CXCL13: variants seen among roughly 807,000 people sequenced by gnomAD.
The protein encoded by CXCL13 is C-X-C motif chemokine 13.
In CXCL13, 7 loss-of-function variants were observed where a neutral mutation model predicts 12.2. The observed-to-expected ratio is 0.57, with a 90% CI of 0.33 to 1.07. CXCL13 has a LOEUF of 1.07. Ranked by LOEUF, CXCL13 falls within the 50% of genes least tolerant of loss-of-function variation. CXCL13 has a pLI of 0.04. For synonymous variants in CXCL13, 47 were observed against 42.4 expected (o/e 1.11, Z -0.42); for missense variants, 113 against 127.4 (o/e 0.89, Z 0.55).
intron 1 of CXCL13, among the ~76,000 whole-genome samples, chr4:77,536,571 T>C (rs1403919079): frequency 6.6e-6 from 1 of 152,150 alleles, no homozygotes; most frequent in Non-Finnish European, 1.5e-5. Flanking sequence ...CCTTATAAAT[T>C]TGTTGTGGAG....
chr4:77,539,897 T>A (rs539064713), intron 1 of CXCL13, among the ~76,000 whole-genome samples: 9 of 152,214 alleles, frequency 5.9e-5, no homozygotes, highest in Non-Finnish European at 1.3e-4. Context: ...TCAGCTCCTA[T>A]CTGACTAGCT....
intron 1 of CXCL13, among the ~76,000 whole-genome samples, chr4:77,595,192 G>A (rs960734945): frequency 4.6e-5 from 7 of 151,708 alleles, no homozygotes; most frequent in African/African-American, 1.7e-4. Flanking sequence ...AATGTACTAC[G>A]GGCAGCCGCT....
intron 1 of CXCL13, among the ~76,000 whole-genome samples, chr4:77,541,810 A>G (rs1277141976): frequency 6.6e-6 from 1 of 152,096 alleles, no homozygotes; most frequent in Admixed American, 6.6e-5. Context: ...TTTGTGTGGT[A>G]TGGCCATTTT....
chr4:77,546,512 C>T (rs1253132457), intron 1 of CXCL13, among the ~76,000 whole-genome samples: 3 of 151,990 alleles, frequency 2.0e-5, no homozygotes, highest in Non-Finnish European at 2.9e-5. Context: ...CCATTTCTTC[C>T]AGATTTTCTA....
In CXCL13 at chr4:77,611,037, T is replaced by C. The variant is rs372584541; in HGVS notation, c.328T>C (p.Ter110ArgextTer2). The C allele has an allele frequency of 3.7e-6, 6 of 1,609,534 alleles. No homozygotes were observed. In the Admixed American group the frequency reaches 6.7e-5, roughly 18 times the overall value. The change falls in exon 4 of 4, where the codon TGA becomes CGA. Residue 110 changes from the stop codon to arginine (R), a stop_lost. Coordinates refer to ENST00000682537, the MANE Select transcript of CXCL13 (RefSeq NM_001371558.1). ...PVPVFKRKIP[*>R] The stretch of plus-strand genomic sequence containing the variant: ...TCCAGTGTTTAAGAGAAAGATTCCC[T>C]GATGCTGATATTTCCACTAAGAACA...
intron 1 of CXCL13, among the ~76,000 whole-genome samples, chr4:77,521,650 T>A (rs1198191556): frequency 6.6e-6 from 1 of 152,064 alleles, no homozygotes; most frequent in Non-Finnish European, 1.5e-5. Context: ...ATTTTGTTGA[T>A]CTTTTAAAAA....
chr4:77,557,858 C>A (rs1375249881), intron 1 of CXCL13, among the ~76,000 whole-genome samples: 1 of 152,228 alleles, frequency 6.6e-6, no homozygotes, highest in African/African-American at 2.4e-5. Flanking sequence ...AGCATACTCA[C>A]CCTGGTATGT....
intron 1 of CXCL13, among the ~76,000 whole-genome samples, chr4:77,549,598 G>T (rs929762968): frequency 6.6e-6 from 1 of 152,184 alleles, no homozygotes; most frequent in Non-Finnish European, 1.5e-5. Context: ...AGGACCCTCA[G>T]CTGCAGTTCT....
At chr4:77,540,903 A>T (rs912924293) in intron 1 of CXCL13, among the ~76,000 whole-genome samples, 2 of 152,096 alleles carry the variant, frequency 1.3e-5, no homozygotes, top group African/African-American at 4.8e-5. Flanking sequence ...CCTTTTCTCC[A>T]CAGCATCACC....
At chr4:77,534,999 C>A (rs1313048377) in intron 1 of CXCL13, among the ~76,000 whole-genome samples, 1 of 152,158 alleles carries the variant, frequency 6.6e-6, no homozygotes, top group African/African-American at 2.4e-5. Context: ...GCTTTGCATG[C>A]TACAGCAAGA....
chr4:77,592,490 G>A (rs1171502033), intron 1 of CXCL13, among the ~76,000 whole-genome samples: 1 of 151,894 alleles, frequency 6.6e-6, no homozygotes, highest in Non-Finnish European at 1.5e-5. Context: ...AGGACTAAAT[G>A]GTAAATATTT....
chr4:77,584,804 T>C (rs1726415063), intron 1 of CXCL13, among the ~76,000 whole-genome samples: 1 of 152,098 alleles, frequency 6.6e-6, no homozygotes, highest in Non-Finnish European at 1.5e-5. Context: ...GGGAGAAAAG[T>C]TGGGAATGCC....
In CXCL13 at chr4:77,572,203, C is replaced by G. The variant is rs549601563; in HGVS notation, c.-42-33621C>G. Reference sequence around the variant, plus strand: ...ATCACCTGAGGTCAGGAGTTCAAGACCAGTCTGGCCAACAAGGTGAAATTC... The same window carrying G: ...ATCACCTGAGGTCAGGAGTTCAAGAGCAGTCTGGCCAACAAGGTGAAATTC... On this transcript the variant is annotated intron_variant, in intron 1 of 4. Transcript: ENST00000286758. 1.3e-5 allele frequency among the ~76,000 whole-genome samples: 2 copies of G among 151,954 alleles called. 1 individual carries two copies. The highest frequency in any genetic ancestry group is 4.8e-5 in the African/African-American group (2 of 41,264).
At chr4:77,528,290 T>C (rs1250374593) in intron 1 of CXCL13, among the ~76,000 whole-genome samples, 1 of 152,174 alleles carries the variant, frequency 6.6e-6, no homozygotes, top group Non-Finnish European at 1.5e-5. Context: ...TGGGTATATA[T>C]CCAGTAATGG....
intron 1 of CXCL13, among the ~76,000 whole-genome samples, chr4:77,563,383 G>C (rs1376823026): frequency 6.6e-6 from 1 of 152,208 alleles, no homozygotes; most frequent in East Asian, 1.9e-4. Flanking sequence ...TTCCCTGCGA[G>C]ATTAATGTCC....
chr4:77,594,953 C>A (rs1726712821), intron 1 of CXCL13, among the ~76,000 whole-genome samples: 1 of 151,750 alleles, frequency 6.6e-6, no homozygotes, highest in East Asian at 1.9e-4. Flanking sequence ...AAATAAAATA[C>A]AGAAAAATAG....
intron 1 of CXCL13, among the ~76,000 whole-genome samples, chr4:77,592,413 G>T (rs1390055659): frequency 6.6e-6 from 1 of 152,140 alleles, no homozygotes; most frequent in Admixed American, 6.5e-5. Context: ...AATGGTGGTT[G>T]TCAGGGGTTG....
chr4:77,547,863 G>A (rs1244371088), intron 1 of CXCL13, among the ~76,000 whole-genome samples: 1 of 152,136 alleles, frequency 6.6e-6, no homozygotes, highest in Non-Finnish European at 1.5e-5. Flanking sequence ...TTTTGCAGTG[G>A]CTGGTACAGG....
intron 1 of CXCL13, among the ~76,000 whole-genome samples, chr4:77,574,992 G>A (rs1461899429): frequency 2.0e-5 from 3 of 151,898 alleles, no homozygotes; most frequent in African/African-American, 7.3e-5. Flanking sequence ...AATTAGAAAA[G>A]ATAATGCTGA....
Sources: gnomAD v4.1 joint callset for allele counts (sites outside exome capture counted in the v4.1 genomes callset) on GRCh38, gnomAD v4.1.1 for gene constraint, MANE v1.5 for transcripts, NCBI Gene and HGNC (gene_info 2026-07-23, HGNC 2026-07-21) for gene names.